The following RAP1B variants were observed in gnomAD, a reference collection of about 807,000 sequenced individuals.
RAP1B encodes the protein ras-related protein Rap-1b.
RAP1B carries 1 observed loss-of-function variant against 27.5 expected under a neutral mutation model. The observed-to-expected ratio is 0.04, with a 90% CI of 0.01 to 0.17. The LOEUF (loss-of-function observed/expected upper bound fraction) is 0.17, where lower values mean the gene tolerates loss of function less well. Ranked by LOEUF, RAP1B falls within the 10% of genes least tolerant of loss-of-function variation. The pLI is 1.00. For synonymous variants in RAP1B, 75 were observed against 73.1 expected, an observed-to-expected ratio of 1.03 and a Z score of -0.13; for missense variants, 84 against 214.8, an observed-to-expected ratio of 0.39 and a Z score of 3.81.
chr12:68,613,405 AAAAG>A (rs1870755138), intron 1 of RAP1B, among the ~76,000 whole-genome samples: 2 of 151,268 alleles, frequency 1.3e-5, no homozygotes, highest in African/African-American at 4.9e-5. Context: ...AAAAAAAAAA[AAAAG>A]GAGATAAGAA....
intron 1 of RAP1B, chr12:68,627,292 C>G (rs895359651): frequency 1.5e-5 from 13 of 848,922 alleles, no homozygotes; most frequent in Non-Finnish European, 2.6e-5. Context: ...GCTGCATACA[C>G]TACCAAGGAA....
At chr12:68,624,791 G>A (rs1414126593) in intron 1 of RAP1B, 1 of 152,370 alleles carries the variant, frequency 6.6e-6, no homozygotes, top group Admixed American at 6.5e-5. Context: ...CTCCAGCCTA[G>A]GCGACAGAGT....
chr12:68,622,720 C>G (rs916482587), intron 1 of RAP1B, among the ~76,000 whole-genome samples: 6 of 152,216 alleles, frequency 3.9e-5, no homozygotes, highest in African/African-American at 9.7e-5. Flanking sequence ...ACAGGAAGAT[C>G]ATGTTACTTT....
intron 1 of RAP1B, chr12:68,627,244 A>C: frequency 7.9e-7 from 1 of 1,272,112 alleles, no homozygotes; most frequent in Non-Finnish European, 1.1e-6. Flanking sequence ...GACTGTCTCC[A>C]GGGTCCCTTA....
At chr12:68,654,545 G>T (rs1459652364) in intron 5 of RAP1B, among the ~76,000 whole-genome samples, 1 of 150,608 alleles carries the variant, frequency 6.6e-6, no homozygotes, top group Non-Finnish European at 1.5e-5. Context: ...AGGCTGAAGT[G>T]CTGTGGTGCG....
At chr12:68,656,006 C>T (rs1874179488) in intron 5 of RAP1B, among the ~76,000 whole-genome samples, 1 of 152,122 alleles carries the variant, frequency 6.6e-6, no homozygotes, top group African/African-American at 2.4e-5. Context: ...TCTACATTGA[C>T]TAGGTTGTGT....
intron 1 of RAP1B, among the ~76,000 whole-genome samples, chr12:68,619,571 CT>C (rs1258027222): frequency 9.2e-5 from 14 of 152,092 alleles, no homozygotes; most frequent in Non-Finnish European, 1.6e-4. Flanking sequence ...AATTGCTGAG[CT>C]TTGGTGTAGT....
chr12:68,654,354 G>T, intron 5 of RAP1B, 102 bp downstream of exon 5: 2 of 468,780 alleles, frequency 4.3e-6, no homozygotes, highest in Non-Finnish European at 6.4e-6. Context: ...TTTTGGTTGG[G>T]GGGGGGGTGT....
intron 1 of RAP1B, among the ~76,000 whole-genome samples, chr12:68,622,982 G>A (rs979346242): frequency 2.6e-5 from 4 of 152,232 alleles, no homozygotes; most frequent in South Asian, 2.1e-4. Flanking sequence ...ATTTACAGGC[G>A]TGAGCCACCA....
chr12:68,645,981 A>G (rs1168914924), intron 1 of RAP1B, among the ~76,000 whole-genome samples: 3 of 152,188 alleles, frequency 2.0e-5, no homozygotes, highest in African/African-American at 7.2e-5. Flanking sequence ...GGAGCAAGTT[A>G]CTGATAGATA....
rs1246172609 is a variant in RAP1B, at chr12:68,664,309, CCT to C, written c.*5061_*5062del. On this transcript the variant is annotated 3_prime_UTR_variant, in exon 8 of 8. Transcript: ENST00000250559. The stretch of plus-strand genomic sequence containing the variant: ...CTATTTATGTCTGGTAGTTATGTCC[CCT>C]GTGAGCACTAATTTCAGAACAGGAA... 1 of 152,160 alleles carries C rather than the reference CCT, an allele frequency of 6.6e-6. No homozygotes were observed. The highest frequency in any genetic ancestry group is 6.5e-5 in the Admixed American group (1 of 15,276). The allele number at this position is 152,160 out of a possible 1,614,324, so 9.4% of individuals were successfully genotyped here. A position where few individuals can be genotyped will look rare whatever the true frequency, so the allele number is the denominator to read the frequency against.
intron 1 of RAP1B, among the ~76,000 whole-genome samples, chr12:68,635,886 A>G (rs1057433869): frequency 1.7e-5 from 1 of 60,548 alleles, no homozygotes; most frequent in Non-Finnish European, 3.4e-5. Flanking sequence ...TACCCATGAA[A>G]TTTTTTTTTT....
intron 1 of RAP1B, among the ~76,000 whole-genome samples, chr12:68,645,216 G>A (rs930809754): frequency 1.3e-5 from 2 of 152,150 alleles, no homozygotes; most frequent in Non-Finnish European, 2.9e-5. Context: ...TTATCATGTA[G>A]CTGTTACTAT....
rs1264748934 is a variant in RAP1B, at chr12:68,632,140, TTTTTTG to T, written c.-26-16555_-26-16550del. 3.0e-5 allele frequency among the ~76,000 whole-genome samples: 4 copies of T among 133,344 alleles called. No homozygotes were observed. In the East Asian group the frequency reaches 8.8e-4, roughly 29 times the overall value. The allele number at this position is 133,344 out of a possible 152,430, so 87.5% of individuals were successfully genotyped here. On this transcript the variant is annotated intron_variant, in intron 1 of 7. Transcript: ENST00000250559. ...TGGGTTTTGGATTTGTTTTTTTTTT[TTTTTTG>T]TTTGTTTTTTTTTTCCAGACTGTTT...
rs371730403 is a variant in RAP1B at position 68,662,350 on chromosome 12, C to G, written c.*3101C>G. On this transcript the variant is annotated 3_prime_UTR_variant, in exon 8 of 8. Transcript: ENST00000250559. The stretch of plus-strand genomic sequence containing the variant: ...GAAAATCAGAGTGGTCTTTCACTTA[C>G]ATTTTTCTAAAAAGTGTAAAAACCC... 1.3e-5 allele frequency: 2 copies of G among 152,004 alleles called. No individual in the cohort carries two copies. Among genetic ancestry groups the G allele is most frequent in the African/African-American group, 4.8e-5 (2 of 41,414 alleles). The allele number at this position is 152,004 out of a possible 1,614,324, so 9.4% of individuals were successfully genotyped here.
chr12:68,654,732 C>T (rs962642632), intron 5 of RAP1B, among the ~76,000 whole-genome samples: 2 of 151,818 alleles, frequency 1.3e-5, no homozygotes, highest in Non-Finnish European at 2.9e-5. Context: ...CTGCCTCAGC[C>T]TCCCAAAGTG....
chr12:68,652,341 G>A lies in RAP1B; in HGVS notation c.183+290G>A, dbSNP rs191785267. Among the ~76,000 whole-genome samples, 227 of 152,192 alleles carry A rather than the reference G, an allele frequency of 1.5e-3. 1 individual carries two copies. The highest frequency in any genetic ancestry group is 5.4e-3 in the African/African-American group (223 of 41,512). ...GGAGCCTGTAATCCCAGCTACTCAG[G>A]AGGCTGAGGCAGGAGAATCTCTTGA... On this transcript the variant is annotated intron_variant, in intron 4 of 7. Coordinates refer to ENST00000250559, the MANE Select transcript of RAP1B (RefSeq NM_001010942.3).
chr12:68,612,155 T>G (rs1366743870), intron 1 of RAP1B, among the ~76,000 whole-genome samples: 1 of 152,224 alleles, frequency 6.6e-6, no homozygotes, highest in Non-Finnish European at 1.5e-5. Context: ...ATTTTAAAAT[T>G]AATTCCGTCT....
rs560358968 is a variant in RAP1B at position 68,664,284 on chromosome 12, C to A, written c.*5035C>A. 7.2e-5 allele frequency: 11 copies of A among 152,294 alleles called. No homozygotes were observed. In the South Asian group the frequency reaches 2.3e-3, roughly 32 times the overall value. The allele number at this position is 152,294 out of a possible 1,614,324, so 9.4% of individuals were successfully genotyped here. A position where few individuals can be genotyped will look rare whatever the true frequency, so the allele number is the denominator to read the frequency against. Reference sequence around the variant, plus strand: ...CCGCCATTATTACCCATTCAAATTTCTATTTATGTCTGGTAGTTATGTCCC... The same window carrying A: ...CCGCCATTATTACCCATTCAAATTTATATTTATGTCTGGTAGTTATGTCCC... On this transcript the variant is annotated 3_prime_UTR_variant, in exon 8 of 8. Coordinates refer to ENST00000250559, the MANE Select transcript of RAP1B (RefSeq NM_001010942.3).
Sources: allele counts gnomAD v4.1 joint callset (sites outside exome capture counted in the v4.1 genomes callset), GRCh38; gene constraint gnomAD v4.1.1; transcripts MANE v1.5; gene names NCBI Gene and HGNC (gene_info 2026-07-23, HGNC 2026-07-21).